ALDH18A1: variants seen among roughly 807,000 people sequenced by gnomAD.
The protein encoded by ALDH18A1 is aldehyde dehydrogenase 18 family member A1, also known as delta-1-pyrroline-5-carboxylate synthase.
Under a neutral mutation model 88.8 loss-of-function variants are expected in ALDH18A1, and 44 were observed. The observed-to-expected ratio is 0.50, with a 90% confidence interval of 0.39 to 0.64. The LOEUF is 0.64. Among genes scored for constraint, ALDH18A1 ranks in the 30% least tolerant of loss-of-function variants. The probability of loss-of-function intolerance (pLI) is 0.00; values close to 1 mark genes in which losing one functional copy is unlikely to be tolerated. For synonymous variants in ALDH18A1, 331 were observed against 372.1 expected, an observed-to-expected ratio of 0.89 and a Z score of 1.27; for missense variants, 782 against 1,009.5, an observed-to-expected ratio of 0.77 and a Z score of 3.05.
Position 95,643,084 on chromosome 10 carries a change from T to C in ALDH18A1, c.211A>G (p.Lys71Glu), listed in dbSNP as rs2097894894. 1 of 1,614,224 alleles carries C rather than the reference T, an allele frequency of 6.2e-7. No individual in the cohort carries two copies. The highest frequency in any genetic ancestry group is 8.5e-7 in the Non-Finnish European group (1 of 1,180,030). The change falls in exon 3 of 18, where the codon AAG becomes GAG. Residue 71 changes from lysine to glutamate, a missense_variant. Lys to Glu is a moderately conservative substitution (Grantham distance 56). Around this residue, in one of 3 missense-constraint regions of ALDH18A1, gnomAD observed 94 missense variants for 99.5 expected, o/e 0.94. Transcript: ENST00000371224. ...CTGCCGAGCTTCACCACGATTCTCT[T>C]GGCATGCTTCAGCTCACTGCGGTGG... ...FAHRSELKHA[K>E]RIVVKLGSAV...
At chr10:95,632,214 G>A (rs1175196245) in intron 7 of ALDH18A1, among the ~76,000 whole-genome samples, 5 of 152,194 alleles carry the variant, frequency 3.3e-5, no homozygotes, top group African/African-American at 1.2e-4. Flanking sequence ...GACTGCCTAG[G>A]GATGGGGAGT....
intron 13 of ALDH18A1, among the ~76,000 whole-genome samples, chr10:95,615,820 C>T (rs1376448800): frequency 1.3e-5 from 2 of 152,184 alleles, no homozygotes; most frequent in African/African-American, 2.4e-5. Flanking sequence ...CTCTATCACA[C>T]ACCATGTGAC....
chr10:95,623,753 T>C (rs941879024), intron 11 of ALDH18A1, among the ~76,000 whole-genome samples: 3 of 152,188 alleles, frequency 2.0e-5, no homozygotes, highest in African/African-American at 7.2e-5. Flanking sequence ...TTAGTAGAGA[T>C]GAGGTTTCTC....
chr10:95,640,940 T>A (rs1458218844), intron 3 of ALDH18A1, among the ~76,000 whole-genome samples: 1 of 152,126 alleles, frequency 6.6e-6, no homozygotes, highest in Non-Finnish European at 1.5e-5. Flanking sequence ...AATGGAATGA[T>A]CCACTTTATT....
chr10:95,611,903 G>A (rs1001015369), intron 15 of ALDH18A1, among the ~76,000 whole-genome samples: 9 of 152,004 alleles, frequency 5.9e-5, no homozygotes, highest in Non-Finnish European at 1.2e-4. Flanking sequence ...CTGGAAGGCA[G>A]AGGTTGCAGT....
At chr10:95,613,901 T>G in intron 14 of ALDH18A1, 38 bp from the exon 15 acceptor site, 1 of 1,614,220 alleles carries the variant, frequency 6.2e-7, no homozygotes, top group Non-Finnish European at 8.5e-7. Context: ...TCCATTGACA[T>G]GATCCAGAGC....
chr10:95,616,864 T>C (rs533763663), intron 12 of ALDH18A1, among the ~76,000 whole-genome samples: 3 of 152,316 alleles, frequency 2.0e-5, no homozygotes, highest in East Asian at 1.9e-4. Flanking sequence ...ATAACAGGGA[T>C]GGGAGCCAGA....
Position 95,632,993 on chromosome 10 carries a change from T to G in ALDH18A1, c.774A>C (p.Lys258Asn). Residue 258 changes from lysine (K) to asparagine (N), a missense_variant, in exon 7 of 18, where the codon AAA becomes AAC. Physicochemically the swap from Lys to Asn is moderately conservative, Grantham distance 94 (BLOSUM62 0). Coordinates refer to ENST00000371224, the MANE Select transcript of ALDH18A1 (RefSeq NM_002860.4). Reference protein sequence around the residue: ...SLAARLAVEMKTDLLIVLSDV... With the variant: ...SLAARLAVEMNTDLLIVLSDV... ...CTGAAAGAACAATCAAGAGATCAGTTTTCATTTCCACAGCCAGTCGGGCAG... is the reference window on the plus strand; with the variant it reads ...CTGAAAGAACAATCAAGAGATCAGTGTTCATTTCCACAGCCAGTCGGGCAG... 1 of 1,614,224 alleles carries G rather than the reference T, an allele frequency of 6.2e-7. No homozygotes were observed. Among genetic ancestry groups the G allele is most frequent in the African/African-American group, 1.3e-5 (1 of 75,052 alleles).
chr10:95,624,617 A>C (rs1215536976), intron 11 of ALDH18A1, among the ~76,000 whole-genome samples: 1 of 152,200 alleles, frequency 6.6e-6, no homozygotes, highest in East Asian at 1.9e-4. Context: ...AAGGGGGAAA[A>C]GACAGAATTA....
At chr10:95,627,376 C>T in intron 9 of ALDH18A1, 66 bp downstream of exon 9, 22 of 1,590,662 alleles carry the variant, frequency 1.4e-5, no homozygotes, top group Non-Finnish European at 1.9e-5. Flanking sequence ...ATTTTGTGAT[C>T]TCTAACTAAG....
chr10:95,610,901 A>AAATG (rs752567403), intron 16 of ALDH18A1, among the ~76,000 whole-genome samples: 46 of 152,210 alleles, frequency 3.0e-4, no homozygotes, highest in East Asian at 2.1e-3. Flanking sequence ...TTTGTGGAAT[A>AAATG]AATGAATGAA....
chr10:95,630,809 T>C (rs12773566), intron 7 of ALDH18A1, among the ~76,000 whole-genome samples: 25,686 of 152,166 alleles, frequency 0.17, 2,818 homozygotes, highest in East Asian at 0.49. Flanking sequence ...TACCTGTTCC[T>C]ATCCTGGGAC....
At chr10:95,650,788 T>C (rs1302907208) in intron 2 of ALDH18A1, among the ~76,000 whole-genome samples, 1 of 152,072 alleles carries the variant, frequency 6.6e-6, no homozygotes, top group African/African-American at 2.4e-5. Context: ...CAGGAAGATA[T>C]AGAGAATTCT....
At chr10:95,653,430 T>C (rs1186340358) in intron 1 of ALDH18A1, 25 bp from the exon 2 acceptor site, 1 of 1,575,654 alleles carries the variant, frequency 6.3e-7, no homozygotes, top group East Asian at 2.2e-5. Context: ...TTTTAAAAAG[T>C]GAGTAATGAA....
chr10:95,610,188 C>T lies in ALDH18A1; in HGVS notation c.2206+9G>A. 6.2e-7 allele frequency: 1 copy of T among 1,613,860 alleles called. No homozygotes were observed. Among genetic ancestry groups the T allele is most frequent in the Non-Finnish European group, 8.5e-7 (1 of 1,179,786 alleles). The stretch of plus-strand genomic sequence containing the variant: ...GAACTTCTTTCTTCCCAACCAGAGT[C>T]TTTCTTACCCAGTCCAAAGCGGTAA... On this transcript the variant is annotated intron_variant, in intron 17 of 17. Coordinates refer to ENST00000371224, the MANE Select transcript of ALDH18A1 (RefSeq NM_002860.4).
chr10:95,648,818 G>A (rs1441307410), intron 2 of ALDH18A1, among the ~76,000 whole-genome samples: 1 of 152,160 alleles, frequency 6.6e-6, no homozygotes, highest in Non-Finnish European at 1.5e-5. Flanking sequence ...ACCTGACACA[G>A]ACACAGAACC....
intron 3 of ALDH18A1, 92 bp from the exon 4 acceptor site, chr10:95,637,528 A>C (rs2097883168): frequency 6.7e-7 from 1 of 1,483,586 alleles, no homozygotes. Flanking sequence ...GCTATCGAGT[A>C]GATCCCAAAT....
chr10:95,633,372 A>G, intron 6 of ALDH18A1, 119 bp downstream of exon 6: 1 of 1,311,338 alleles, frequency 7.6e-7, no homozygotes, highest in Non-Finnish European at 1.1e-6. Context: ...CTGCTCCATG[A>G]CAAGTTTCTC....
chr10:95,622,081 AT>A (rs971362570), intron 11 of ALDH18A1, among the ~76,000 whole-genome samples: 2 of 152,046 alleles, frequency 1.3e-5, no homozygotes, highest in South Asian at 2.1e-4. Flanking sequence ...CTATCTTTCT[AT>A]TTTTTTTATA....
Sources: gnomAD v4.1 joint callset for allele counts (sites outside exome capture counted in the v4.1 genomes callset) on GRCh38, gnomAD v4.1.1 for gene constraint, gnomAD v4.1.1 regional missense constraint, MANE v1.5 for transcripts, NCBI Gene and HGNC (gene_info 2026-07-23, HGNC 2026-07-21) for gene names.